The following PRPF4 variants were observed in gnomAD, a reference collection of about 807,000 sequenced individuals.
PRPF4 encodes U4/U6 small nuclear ribonucleoprotein Prp4.
A neutral mutation model predicts 72.2 loss-of-function variants in PRPF4; 14 were observed. That is an observed-to-expected ratio of 0.19 (90% CI 0.13 to 0.30). The LOEUF (loss-of-function observed/expected upper bound fraction) is 0.30. Ranked by LOEUF, PRPF4 falls within the 10% of genes least tolerant of loss-of-function variation. The pLI is 1.00. For synonymous variants in PRPF4, 225 were observed against 232.2 expected (o/e 0.97, Z 0.28); for missense variants, 478 against 653.9 (o/e 0.73, Z 2.93).
chr9:113,288,416 A>G, intron 10 of PRPF4, 152 bp downstream of exon 10: 1 of 684,316 alleles, frequency 1.5e-6, no homozygotes, highest in Admixed American at 3.0e-5. Flanking sequence ...AATGTTTAAT[A>G]TAGTGAGAGC....
At position 113,291,471 on chromosome 9, in the gene PRPF4, C is replaced by T. The variant is rs758781708; in HGVS notation, c.1377C>T (p.Ile459=). Residue 459 remains isoleucine (I), a synonymous_variant, in exon 14 of 14, where the codon ATC becomes ATT. Transcript: ENST00000374198. ...TCCCCTTCTCTTCTCCTGTAGCTAT[C>T]CATGGGAACTTCTTGCTTACTGGTG... is the stretch of plus-strand genomic sequence containing the variant. ...NLVTGVKFEP[I]HGNFLLTGAY... 36 of 1,611,942 alleles carry T rather than the reference C, an allele frequency of 2.2e-5. No individual in the cohort carries two copies. The highest frequency in any genetic ancestry group is 3.0e-5 in the Non-Finnish European group (35 of 1,178,244).
chr9:113,277,678 A>T (rs1012748186), intron 2 of PRPF4, among the ~76,000 whole-genome samples: 33 of 151,304 alleles, frequency 2.2e-4, no homozygotes, highest in African/African-American at 6.8e-4. Context: ...GAGCCACTGC[A>T]CCTGACTGAG....
intron 2 of PRPF4, among the ~76,000 whole-genome samples, chr9:113,277,952 G>A (rs1385390955): frequency 1.3e-5 from 2 of 152,068 alleles, no homozygotes; most frequent in Non-Finnish European, 2.9e-5. Context: ...CTGCACTCCA[G>A]CCTGAACAAC....
chr9:113,289,135 G>T (rs1023388367), intron 10 of PRPF4, among the ~76,000 whole-genome samples: 1 of 152,152 alleles, frequency 6.6e-6, no homozygotes, highest in Non-Finnish European at 1.5e-5. Context: ...TTTGTGGCAG[G>T]CTTCTTTCAG....
intron 2 of PRPF4, among the ~76,000 whole-genome samples, chr9:113,278,195 A>G (rs775102934): frequency 3.3e-5 from 5 of 152,258 alleles, no homozygotes; most frequent in Non-Finnish European, 1.5e-5. Context: ...TTTCCATGTC[A>G]GTAATGAGAG....
In PRPF4 at chr9:113,290,483, G is replaced by A. The variant is rs1205197403; in HGVS notation, c.1040G>A (p.Arg347His). The A allele has an allele frequency of 3.7e-6, 6 of 1,614,066 alleles. No homozygotes were observed. Among genetic ancestry groups the A allele is most frequent in the African/African-American group, 1.3e-5 (1 of 74,922 alleles). Residue 347 changes from arginine (R) to histidine (H), a missense_variant, in exon 11 of 14, where the codon CGC (arginine) becomes CAC (histidine). Physicochemically the swap from Arg to His is conservative, Grantham distance 29. Transcript: ENST00000374198. Reference protein sequence around the residue: ...LGTTCYDRSWRLWDLEAQEEI... With the variant: ...LGTTCYDRSWHLWDLEAQEEI... ...GGTTTTAGCTATGACCGTTCATGGC[G>A]CTTATGGGATTTGGAGGCTCAAGAG...
At chr9:113,278,518 A>T (rs1027053313) in intron 2 of PRPF4, among the ~76,000 whole-genome samples, 1 of 152,220 alleles carries the variant, frequency 6.6e-6, no homozygotes, top group Non-Finnish European at 1.5e-5. Context: ...CCTGGTAATT[A>T]TTTGCAGTTT....
At chr9:113,291,086 C>T in intron 13 of PRPF4, 70 bp downstream of exon 13, 1 of 1,456,636 alleles carries the variant, frequency 6.9e-7, no homozygotes, top group Non-Finnish European at 9.6e-7. Flanking sequence ...GGAATGCAGG[C>T]CAGGCTTTAG....
At chr9:113,291,049 CACAG>C in intron 13 of PRPF4, 33 bp downstream of exon 13, 1 of 1,564,492 alleles carries the variant, frequency 6.4e-7, no homozygotes, top group Non-Finnish European at 8.8e-7. Flanking sequence ...GTCTAAATGA[CACAG>C]ACAAACAGTA....
chr9:113,275,677 C>G lies in PRPF4; in HGVS notation c.-67C>G, dbSNP rs1406323357. On this transcript the variant is annotated 5_prime_UTR_variant, in exon 1 of 14. Coordinates refer to ENST00000374198, the MANE Select transcript of PRPF4 (RefSeq NM_001244926.2). ...AGTGACGCACTTCCCCTCTGCTGGG[C>G]GCGCGGTGGACGGTCTGAAAGGGAG... The G allele has an allele frequency of 6.4e-7, 1 of 1,555,036 alleles. No homozygotes were observed.
intron 7 of PRPF4, among the ~76,000 whole-genome samples, chr9:113,285,175 T>G (rs1195586393): frequency 6.6e-6 from 1 of 150,944 alleles, no homozygotes; most frequent in Admixed American, 6.6e-5. Context: ...AAAAGTAATT[T>G]GTTGAAAAAT....
At chr9:113,288,144 A>G (rs1051903248) in intron 9 of PRPF4, 31 bp from the exon 10 acceptor site, 1 of 1,604,000 alleles carries the variant, frequency 6.2e-7, no homozygotes. Flanking sequence ...ATATGTCTAT[A>G]AAATTGTTTA....
Position 113,292,884 on chromosome 9 carries a change from G to C in PRPF4, c.*1224G>C, listed in dbSNP as rs1301326486. 1 of 152,114 alleles carries C rather than the reference G, an allele frequency of 6.6e-6. No homozygotes were observed. Among genetic ancestry groups the C allele is most frequent in the East Asian group, 1.9e-4 (1 of 5,200 alleles). 9.4% of individuals were successfully genotyped at this position (152,114 alleles called of 1,614,324 possible). ...ACCCTATAAAGAATTATTTTCTATA[G>C]TTAAGCATTTTCTGAATCCTAGCCA... On this transcript the variant is annotated 3_prime_UTR_variant, in exon 14 of 14. Coordinates refer to ENST00000374198, the MANE Select transcript of PRPF4 (RefSeq NM_001244926.2).
At position 113,290,430 on chromosome 9, in the gene PRPF4, A is replaced by G; in HGVS notation, c.1023-36A>G. 4 of 1,613,418 alleles carry G rather than the reference A, an allele frequency of 2.5e-6. No individual in the cohort carries two copies. In the South Asian group the frequency reaches 4.4e-5, roughly 18 times the overall value. On this transcript the variant is annotated intron_variant, in intron 10 of 13. Coordinates refer to ENST00000374198, the MANE Select transcript of PRPF4 (RefSeq NM_001244926.2). ...TATGTGTTGTAGAAACTGAATAAAT[A>G]TCAGCTGGTTGATTGTTAGTGTGAT...
rs1832098523 is a variant in PRPF4 at position 113,276,438 on chromosome 9, A to G, written c.28-110A>G. 1.1e-5 allele frequency: 13 copies of G among 1,235,938 alleles called. No homozygotes were observed. In the Admixed American group the frequency reaches 1.1e-4, roughly 10 times the overall value. The allele number at this position is 1,235,938 out of a possible 1,614,324, so 76.6% of individuals were successfully genotyped here. ...AAGTAGTGTCCAATTTGTCCTTTCAATTACAGAGGAAACAGGACTGTGAAA... is the reference window on the plus strand; with the variant it reads ...AAGTAGTGTCCAATTTGTCCTTTCAGTTACAGAGGAAACAGGACTGTGAAA... On this transcript the variant is annotated intron_variant, in intron 1 of 13. Coordinates refer to ENST00000374198, the MANE Select transcript of PRPF4 (RefSeq NM_001244926.2).
chr9:113,290,198 C>A (rs1182533745), intron 10 of PRPF4, among the ~76,000 whole-genome samples: 6 of 149,444 alleles, frequency 4.0e-5, no homozygotes, highest in African/African-American at 1.5e-4. Context: ...CCAGGCTGGG[C>A]AACAGAGTGA....
rs886347703 is a variant in PRPF4, at chr9:113,275,688, C to A, written c.-56C>A. 8 of 1,573,148 alleles carry A rather than the reference C, an allele frequency of 5.1e-6. No homozygotes were observed. The highest frequency in any genetic ancestry group is 1.7e-4 in the Middle Eastern group (1 of 5,856). ...TCCCCTCTGCTGGGCGCGCGGTGGA[C>A]GGTCTGAAAGGGAGTGTTCGGGTTT... On this transcript the variant is annotated 5_prime_UTR_variant, in exon 1 of 14. Transcript: ENST00000374198.
At chr9:113,290,227 G>GAAA (rs368444718) in intron 10 of PRPF4, among the ~76,000 whole-genome samples, 1 of 136,372 alleles carries the variant, frequency 7.3e-6, no homozygotes, top group South Asian at 2.3e-4. Context: ...CTCAAAAGAA[G>GAAA]AAAAAAAAAA....
In PRPF4 at chr9:113,286,775, C is replaced by T. The variant is rs1832460394; in HGVS notation, c.879C>T (p.Val293=). The T allele has an allele frequency of 6.2e-7, 1 of 1,614,090 alleles. No individual in the cohort carries two copies. The highest frequency in any genetic ancestry group is 8.5e-7 in the Non-Finnish European group (1 of 1,180,046). Residue 293 remains valine, a synonymous_variant, in exon 9 of 14, where the codon GTC becomes GTT. Transcript: ENST00000374198. The part of the protein sequence containing the change: ...KSTVSLDPKD[V]NLASCAADGS... ...CTGTCTCCTTGGACCCAAAAGATGT[C>T]AACCTGGCCTCTTGTGCGGCTGATG...
Sources: allele counts gnomAD v4.1 joint callset (sites outside exome capture counted in the v4.1 genomes callset), GRCh38; gene constraint gnomAD v4.1.1; transcripts MANE v1.5; gene names NCBI Gene and HGNC (gene_info 2026-07-23, HGNC 2026-07-21).